Variants in TFDP1 observed in about 807,000 individuals in gnomAD.
TFDP1 encodes transcription factor Dp-1, also known as DRTF1-polypeptide 1.
In TFDP1, 6 loss-of-function variants were observed where a neutral mutation model predicts 48.0. The observed-to-expected ratio is 0.13, with a 90% CI of 0.07 to 0.25. The LOEUF (loss-of-function observed/expected upper bound fraction) is 0.25. TFDP1 is among the 10% of genes least tolerant of loss of function. The pLI is 1.00. For synonymous variants in TFDP1, 201 were observed against 211.6 expected (o/e 0.95, Z 0.44); for missense variants, 335 against 543.0 (o/e 0.62, Z 3.81).
chr13:113,590,134 G>A (rs2048104336), intron 2 of TFDP1, among the ~76,000 whole-genome samples: 1 of 152,228 alleles, frequency 6.6e-6, no homozygotes, highest in South Asian at 2.1e-4. Context: ...GGGCTGTGCG[G>A]GCACTTGGAC....
chr13:113,615,801 A>G (rs2048842731), intron 3 of TFDP1, among the ~76,000 whole-genome samples: 1 of 152,154 alleles, frequency 6.6e-6, no homozygotes, highest in African/African-American at 2.4e-5. Context: ...AGTCCCAGCT[A>G]CTTGGGAGGC....
At position 113,627,559 on chromosome 13, in the gene TFDP1, C is replaced by CA. The variant is rs991052976; in HGVS notation, c.187-4063dup. Among the ~76,000 whole-genome samples the CA allele has an allele frequency of 7.2e-5, 11 of 152,164 alleles. No homozygotes were observed. Among genetic ancestry groups the CA allele is most frequent in the Admixed American group, 5.9e-4 (9 of 15,280 alleles). On this transcript the variant is annotated intron_variant, in intron 4 of 11. Transcript: ENST00000375370. This position sits in a 1 kb window ranked among gnomAD's most constrained non-coding sequence, Gnocchi z 4.1. ...ACACTACACGGAGACATCGTAATCTCAGTTTTTAGAGTGTGTGAAATTAAG... is the reference window on the plus strand; with the variant it reads ...ACACTACACGGAGACATCGTAATCTCAAGTTTTTAGAGTGTGTGAAATTAAG...
intron 10 of TFDP1, 71 bp downstream of exon 10, chr13:113,636,771 C>A: frequency 6.5e-7 from 1 of 1,532,518 alleles, no homozygotes; most frequent in Admixed American, 2.0e-5. Flanking sequence ...GTGCCCTCCC[C>A]TCCCGGCTCG....
At chr13:113,639,323 A>G (rs977798842) in intron 11 of TFDP1, among the ~76,000 whole-genome samples, 3 of 152,234 alleles carry the variant, frequency 2.0e-5, no homozygotes, top group African/African-American at 7.2e-5. Flanking sequence ...TTTCATAACA[A>G]TGGAAACAAA....
intron 2 of TFDP1, among the ~76,000 whole-genome samples, chr13:113,605,441 T>C (rs1295631231): frequency 6.6e-6 from 1 of 152,216 alleles, no homozygotes; most frequent in Non-Finnish European, 1.5e-5. Flanking sequence ...CAGACAAATG[T>C]AGTGGCTTAA....
At chr13:113,610,372 C>T (rs1268573016) in intron 2 of TFDP1, among the ~76,000 whole-genome samples, 4 of 151,850 alleles carry the variant, frequency 2.6e-5, no homozygotes, top group Admixed American at 2.6e-4. Flanking sequence ...TACCATCACA[C>T]GTGTGACCCC....
At chr13:113,597,504 G>A (rs373117654) in intron 2 of TFDP1, among the ~76,000 whole-genome samples, 44 of 152,330 alleles carry the variant, frequency 2.9e-4, no homozygotes, top group African/African-American at 1.0e-3. Context: ...GGCCTGAACG[G>A]CTGGACCTTG....
intron 2 of TFDP1, among the ~76,000 whole-genome samples, chr13:113,602,741 GAA>G (rs1156549902): frequency 6.6e-6 from 1 of 152,218 alleles, no homozygotes; most frequent in African/African-American, 2.4e-5. Flanking sequence ...TCCCCCCTGA[GAA>G]GTGTGCGGCC....
Position 113,635,209 on chromosome 13 carries a change from G to C in TFDP1, c.687+607G>C, listed in dbSNP as rs977838789. On this transcript the variant is annotated intron_variant, in intron 8 of 11. Coordinates refer to ENST00000375370, the MANE Select transcript of TFDP1 (RefSeq NM_007111.5). ...GGGGCCCCGTGTCTGGTGTGGAGGG[G>C]GTTGTGTGCAAGGTGCTCACTGCAG... is the stretch of plus-strand genomic sequence containing the variant. 2.0e-5 allele frequency among the ~76,000 whole-genome samples: 3 copies of C among 152,174 alleles called. No individual in the cohort carries two copies. In the East Asian group the frequency reaches 5.8e-4, roughly 29 times the overall value.
chr13:113,641,203 A>T lies in TFDP1; in HGVS notation c.*936A>T, dbSNP rs183205277. The T allele has an allele frequency of 2.0e-5, 3 of 152,748 alleles. No individual in the cohort carries two copies. The highest frequency in any genetic ancestry group is 7.2e-5 in the African/African-American group (3 of 41,580). 9.5% of individuals were successfully genotyped at this position (152,748 alleles called of 1,614,324 possible). ...ATGTTTTAACAATTTTTTAACTCAA[A>T]ATTTGTCAATCATTTTTAATAGTTC... On this transcript the variant is annotated 3_prime_UTR_variant, in exon 12 of 12. Transcript: ENST00000375370.
At chr13:113,602,308 G>T (rs1421829904) in intron 2 of TFDP1, among the ~76,000 whole-genome samples, 1 of 152,056 alleles carries the variant, frequency 6.6e-6, no homozygotes, top group Non-Finnish European at 1.5e-5. Flanking sequence ...TTACCCGCAG[G>T]AGTTGAGGGA....
chr13:113,604,100 G>T (rs2048505494), intron 2 of TFDP1, among the ~76,000 whole-genome samples: 1 of 149,772 alleles, frequency 6.7e-6, no homozygotes, highest in Non-Finnish European at 1.5e-5. Context: ...GGTCAAGGCT[G>T]CAGTGAGCTG....
At chr13:113,608,932 C>A (rs750652167) in intron 2 of TFDP1, among the ~76,000 whole-genome samples, 30 of 152,242 alleles carry the variant, frequency 2.0e-4, no homozygotes, top group Non-Finnish European at 3.5e-4. Context: ...GCCTTACCAA[C>A]CTGGCCTGGA....
intron 2 of TFDP1, among the ~76,000 whole-genome samples, chr13:113,591,207 T>TGGC (rs2140277082): frequency 6.7e-6 from 1 of 150,288 alleles, no homozygotes; most frequent in Non-Finnish European, 1.5e-5. Flanking sequence ...CTGGGCGTGG[T>TGGC]GGCGGGCGCC....
chr13:113,606,563 T>C (rs2048576343), intron 2 of TFDP1, among the ~76,000 whole-genome samples: 2 of 152,084 alleles, frequency 1.3e-5, no homozygotes, highest in Admixed American at 6.5e-5. Context: ...GAGGACCACA[T>C]GTGAAGACGC....
chr13:113,589,554 G>A (rs1048273677), intron 2 of TFDP1, among the ~76,000 whole-genome samples: 7 of 152,194 alleles, frequency 4.6e-5, no homozygotes, highest in African/African-American at 1.4e-4. Context: ...AACTGTCCTC[G>A]AAACATCTCA....
rs368805921 is a variant in TFDP1, at chr13:113,607,641, C to T, written c.13-3355C>T. Among the ~76,000 whole-genome samples the T allele has an allele frequency of 2.9e-4, 44 of 152,304 alleles. No individual in the cohort carries two copies. The highest frequency in any genetic ancestry group is 1.0e-3 in the African/African-American group (43 of 41,564). ...TGGCGGAGAAAGACCGGCCCCTTCA[C>T]CCCACCTTAGACTTCCTGGAAGGGC... On this transcript the variant is annotated intron_variant, in intron 2 of 11. Transcript: ENST00000375370. The surrounding 1 kb of genome is among the most constrained non-coding windows in gnomAD (Gnocchi z 5.2).
intron 4 of TFDP1, among the ~76,000 whole-genome samples, chr13:113,630,623 A>G (rs2049310188): frequency 6.6e-6 from 1 of 152,166 alleles, no homozygotes. Flanking sequence ...AGGCACTTTG[A>G]TTTGTGGTGA....
chr13:113,606,963 G>A (rs766294704), intron 2 of TFDP1, among the ~76,000 whole-genome samples: 7 of 152,188 alleles, frequency 4.6e-5, no homozygotes, highest in Non-Finnish European at 1.0e-4. Flanking sequence ...TGAGACTGTA[G>A]CCAGGTGTGC....
Sources: gnomAD v4.1 joint callset for allele counts (sites outside exome capture counted in the v4.1 genomes callset) on GRCh38, gnomAD v4.1.1 for gene constraint, Gnocchi (gnomAD v3.1) non-coding constraint, MANE v1.5 for transcripts, NCBI Gene and HGNC (gene_info 2026-07-23, HGNC 2026-07-21) for gene names.